SPOCK3: variants seen among roughly 807,000 people sequenced by gnomAD.
The protein encoded by SPOCK3 is SPARC (osteonectin), cwcv and kazal like domains proteoglycan 3.
Under a neutral mutation model 56.6 loss-of-function variants are expected in SPOCK3, and 30 were observed. The observed-to-expected ratio is 0.53, with a 90% confidence interval of 0.40 to 0.72. The LOEUF is 0.72. Among genes scored for constraint, SPOCK3 ranks in the 30% least tolerant of loss-of-function variants. The pLI is 0.00. For synonymous variants in SPOCK3, 196 were observed against 183.3 expected, an observed-to-expected ratio of 1.07 and a Z score of -0.56; for missense variants, 527 against 530.0, an observed-to-expected ratio of 0.99 and a Z score of 0.06.
chr4:166,778,063 C>T (rs1263858082), intron 7 of SPOCK3, among the ~76,000 whole-genome samples: 1 of 152,078 alleles, frequency 6.6e-6, no homozygotes, highest in Non-Finnish European at 1.5e-5. Flanking sequence ...TTTGTAATCC[C>T]TTGGAAAGCA....
At chr4:166,831,728 C>G (rs1425079219) in intron 6 of SPOCK3, among the ~76,000 whole-genome samples, 2 of 133,168 alleles carry the variant, frequency 1.5e-5, no homozygotes, top group Admixed American at 7.4e-5. Context: ...TCGAAAACAT[C>G]TTTCGGTATC....
intron 4 of SPOCK3, among the ~76,000 whole-genome samples, chr4:166,925,177 C>G (rs981660140): frequency 6.6e-6 from 1 of 152,124 alleles, no homozygotes; most frequent in Non-Finnish European, 1.5e-5. Flanking sequence ...TCTAATAAAA[C>G]ATTTGTATGA....
At chr4:167,038,984 TA>T (rs1056764858) in intron 3 of SPOCK3, among the ~76,000 whole-genome samples, 2 of 151,888 alleles carry the variant, frequency 1.3e-5, no homozygotes, top group East Asian at 1.9e-4. Flanking sequence ...CTAGGTAGCT[TA>T]AAAAAAACAG....
At chr4:166,882,396 ATG>A (rs1733772892) in intron 6 of SPOCK3, among the ~76,000 whole-genome samples, 1 of 152,190 alleles carries the variant, frequency 6.6e-6, no homozygotes, top group South Asian at 2.1e-4. Context: ...ACACTGTACC[ATG>A]GTGCTGTCTG....
intron 2 of SPOCK3, among the ~76,000 whole-genome samples, chr4:167,106,351 A>G (rs1047377203): frequency 6.6e-6 from 1 of 151,980 alleles, no homozygotes; most frequent in East Asian, 1.9e-4. Flanking sequence ...CTATGCAAAC[A>G]CATGGAAATT....
At chr4:166,921,473 C>T (rs138190074) in intron 4 of SPOCK3, among the ~76,000 whole-genome samples, 6 of 152,172 alleles carry the variant, frequency 3.9e-5, no homozygotes, top group Admixed American at 6.5e-5. Flanking sequence ...CACGCCACCA[C>T]GCTCAGCTAA....
rs1415804431 is a variant in SPOCK3, at chr4:167,233,982, T to TA, written c.189+2dup. 3 of 1,612,156 alleles carry TA rather than the reference T, an allele frequency of 1.9e-6. No individual in the cohort carries two copies. Among genetic ancestry groups the TA allele is most frequent in the Non-Finnish European group, 2.5e-6 (3 of 1,178,530 alleles). Reference sequence around the variant, plus strand: ...CCCGGGGATGTGGGTGCGCGGAACTTACGTCTCGGAATTTGTTCCACTGTC... The same window carrying TA: ...CCCGGGGATGTGGGTGCGCGGAACTTAACGTCTCGGAATTTGTTCCACTGTC... On this transcript the variant is annotated splice_region_variant and intron_variant, in intron 2 of 10. Coordinates refer to ENST00000357545, the MANE Select transcript of SPOCK3 (RefSeq NM_001040159.2).
chr4:166,765,558 G>A (rs1737895097), intron 7 of SPOCK3, among the ~76,000 whole-genome samples: 1 of 152,094 alleles, frequency 6.6e-6, no homozygotes, highest in African/African-American at 2.4e-5. Context: ...CTCTGTTTTG[G>A]TACCAGTACC....
intron 2 of SPOCK3, among the ~76,000 whole-genome samples, chr4:167,221,462 A>T (rs1372252588): frequency 6.6e-6 from 1 of 152,188 alleles, no homozygotes; most frequent in Non-Finnish European, 1.5e-5. Context: ...AATTTTAAAA[A>T]AACATGGTCT....
At chr4:167,165,267 A>G (rs1031239753) in intron 2 of SPOCK3, among the ~76,000 whole-genome samples, 9 of 152,198 alleles carry the variant, frequency 5.9e-5, no homozygotes, top group African/African-American at 2.2e-4. Flanking sequence ...CATCAGAGTG[A>G]ACAGGCAACC....
At chr4:166,835,107 T>C (rs1746478960) in intron 6 of SPOCK3, among the ~76,000 whole-genome samples, 1 of 152,046 alleles carries the variant, frequency 6.6e-6, no homozygotes, top group South Asian at 2.1e-4. Flanking sequence ...GTACTGTTAA[T>C]AGTAACGATG....
At chr4:166,763,029 T>TATAAATGCAGATAC (rs1737458969) in intron 7 of SPOCK3, among the ~76,000 whole-genome samples, 1 of 151,708 alleles carries the variant, frequency 6.6e-6, no homozygotes, top group South Asian at 2.1e-4. Flanking sequence ...TGATAACAAT[T>TATAAATGCAGATAC]ACAAATGCAG....
chr4:167,073,246 CAAATAT>C (rs1488766736), intron 2 of SPOCK3, among the ~76,000 whole-genome samples: 1 of 151,384 alleles, frequency 6.6e-6, no homozygotes. Flanking sequence ...ATTATATCAT[CAAATAT>C]AAATACATAC....
rs1022925432 is a variant in SPOCK3, at chr4:166,872,075, C to T, written c.589+17055G>A. On this transcript the variant is annotated intron_variant, in intron 6 of 10. Coordinates refer to ENST00000357545, the MANE Select transcript of SPOCK3 (RefSeq NM_001040159.2). ...AAACATACACACACACACACACACA[C>T]ATATATATATATAATCTTAAGTATT... Among the ~76,000 whole-genome samples the T allele has an allele frequency of 2.2e-3, 231 of 104,750 alleles. 1 individual carries two copies. The highest frequency in any genetic ancestry group is 6.8e-3 in the East Asian group (21 of 3,070). The allele number at this position is 104,750 out of a possible 152,430, so 68.7% of individuals were successfully genotyped here.
intron 2 of SPOCK3, among the ~76,000 whole-genome samples, chr4:167,187,299 C>A (rs1431430239): frequency 6.7e-6 from 1 of 149,402 alleles, no homozygotes; most frequent in Non-Finnish European, 1.5e-5. Flanking sequence ...CTCTCAATGA[C>A]AATTTGCCAG....
At chr4:167,069,087 A>G (rs1426803974) in intron 2 of SPOCK3, among the ~76,000 whole-genome samples, 1 of 151,940 alleles carries the variant, frequency 6.6e-6, no homozygotes, top group Non-Finnish European at 1.5e-5. Flanking sequence ...GCCTTTATCA[A>G]TGGCTTTCCT....
At chr4:167,223,121 TTATA>T (rs1358073119) in intron 2 of SPOCK3, among the ~76,000 whole-genome samples, 1 of 115,440 alleles carries the variant, frequency 8.7e-6, no homozygotes, top group Admixed American at 9.8e-5. Context: ...AATATATATT[TTATA>T]TATGAATATA....
chr4:166,748,388 G>T (rs1356454822), intron 8 of SPOCK3, among the ~76,000 whole-genome samples: 1 of 137,028 alleles, frequency 7.3e-6, no homozygotes, highest in Admixed American at 7.0e-5. Flanking sequence ...AATGGGGAAA[G>T]GATTCCCTTT....
At chr4:166,840,773 T>A (rs889265622) in intron 6 of SPOCK3, among the ~76,000 whole-genome samples, 2 of 57,376 alleles carry the variant, frequency 3.5e-5, no homozygotes, top group South Asian at 2.2e-3. Context: ...AAGCAAAAGT[T>A]TTTTTTTTTT....
Sources: gnomAD v4.1 joint callset for allele counts (sites outside exome capture counted in the v4.1 genomes callset) on GRCh38, gnomAD v4.1.1 for gene constraint, MANE v1.5 for transcripts, NCBI Gene and HGNC (gene_info 2026-07-23, HGNC 2026-07-21) for gene names.